The following HOXC5 variants were observed in gnomAD, a reference collection of about 807,000 sequenced individuals.
HOXC5 encodes the protein homeobox C5.
HOXC5 carries 19 observed loss-of-function variants against 20.1 expected under a neutral mutation model. The ratio of observed to expected loss-of-function variants is 0.94; its 90% CI spans 0.66 to 1.38. HOXC5 has a LOEUF of 1.38. Among genes scored for constraint, HOXC5 ranks in the 40% most tolerant of loss-of-function variants. The pLI is 0.00. For synonymous variants in HOXC5, 124 were observed against 117.0 expected (o/e 1.06, Z -0.39); for missense variants, 330 against 300.1 (o/e 1.10, Z -0.74).
At chr12:54,029,965 A>C, upstream of HOXC5, 1 of 1,546,040 alleles carries the variant, frequency 6.5e-7, no homozygotes, top group Non-Finnish European at 8.7e-7. Context: ...AAGAGTGACC[A>C]GGACTGTCCC....
At chr12:54,024,474 G>A in the HOXC5 span, among the ~76,000 whole-genome samples, 1 of 152,320 alleles carries the variant, frequency 6.6e-6, no homozygotes, top group East Asian at 1.9e-4. Flanking sequence ...TGGGGAGAGA[G>A]AGGAGACAGG....
At chr12:54,028,557 C>G (rs1173116730), upstream of HOXC5, 1 of 1,614,166 alleles carries the variant, frequency 6.2e-7, no homozygotes, top group East Asian at 2.2e-5. Context: ...CCTTATCCTG[C>G]CACCTCGCCG....
chr12:54,027,121 C>A, the HOXC5 span, among the ~76,000 whole-genome samples: 4 of 152,248 alleles, frequency 2.6e-5, no homozygotes, highest in African/African-American at 9.6e-5. Flanking sequence ...TGTTTCAGTT[C>A]GCCTACTGCG....
rs1439114511 is a variant in HOXC5, at chr12:54,033,236, C to T, written c.114C>T (p.Tyr38=). The T allele has an allele frequency of 3.7e-6, 6 of 1,614,208 alleles. No individual in the cohort carries two copies. Among genetic ancestry groups the T allele is most frequent in the South Asian group, 1.1e-5 (1 of 91,090 alleles). ...GSASEVQASR[Y]CYGGLDLSIT... ...CCTCAGAGGTGCAGGCATCCAGGTA[C>T]TGCTACGGCGGATTGGACTTAAGCA... The change falls in exon 1 of 2, where the codon TAC becomes TAT. Residue 38 remains tyrosine (Y), a synonymous_variant. Coordinates refer to ENST00000312492, the MANE Select transcript of HOXC5 (RefSeq NM_018953.4).
chr12:54,020,234 T>C, the HOXC5 span: 2 of 152,248 alleles, frequency 1.3e-5, no homozygotes, highest in African/African-American at 4.8e-5. Flanking sequence ...GCTCAAGGAC[T>C]CTGCACACCC....
chr12:54,033,820 TA>T (rs561385097), intron 1 of HOXC5: 8 of 544,266 alleles, frequency 1.5e-5, no homozygotes, highest in Middle Eastern at 4.9e-4. Flanking sequence ...GGGAGGGAGT[TA>T]AAAAAATAGA....
chr12:54,025,428 C>G, the HOXC5 span, among the ~76,000 whole-genome samples: 3 of 151,676 alleles, frequency 2.0e-5, no homozygotes, highest in Admixed American at 2.0e-4. Context: ...GACCTGCTCT[C>G]CCCCCTTGGA....
In HOXC5 at chr12:54,033,083, A is replaced by T; in HGVS notation, c.-40A>T. The T allele has an allele frequency of 6.5e-7, 1 of 1,537,310 alleles. No homozygotes were observed. Among genetic ancestry groups the T allele is most frequent in the Non-Finnish European group, 8.9e-7 (1 of 1,120,520 alleles). On this transcript the variant is annotated 5_prime_UTR_variant, in exon 1 of 2. Transcript: ENST00000312492. ...TTCAAAGAGTCACAAATCACCCTTA[A>T]TCAAAAAGGGTGCAGAAATTTTTTT...
At chr12:54,031,828 T>C (rs1423088728), upstream of HOXC5, among the ~76,000 whole-genome samples, 2 of 152,122 alleles carry the variant, frequency 1.3e-5, no homozygotes, top group African/African-American at 2.4e-5. Flanking sequence ...TGGCTGCAGA[T>C]ACCCTGCGAA....
At chr12:54,032,722 G>C (rs141132090), upstream of HOXC5, 1,112 of 158,208 alleles carry the variant, frequency 7.0e-3, 18 homozygotes, top group African/African-American at 0.026. Flanking sequence ...GGCGCTCCAG[G>C]ATGCAATTCC....
At chr12:54,027,402 G>A in the HOXC5 span, among the ~76,000 whole-genome samples, 1 of 152,218 alleles carries the variant, frequency 6.6e-6, no homozygotes, top group Non-Finnish European at 1.5e-5. Flanking sequence ...GAGCCTGCAG[G>A]AAGCTAACTG....
At chr12:54,016,961 T>A in the HOXC5 span, 1 of 152,114 alleles carries the variant, frequency 6.6e-6, no homozygotes. Context: ...TCATTAGCAG[T>A]ATTTTTTTTA....
chr12:54,019,330 C>T, the HOXC5 span, among the ~76,000 whole-genome samples: 2 of 152,210 alleles, frequency 1.3e-5, no homozygotes, highest in South Asian at 2.1e-4. Flanking sequence ...TCTCCCGCCG[C>T]TCAGGCACGG....
In HOXC5 at chr12:54,035,296, T is replaced by A. The variant is rs1207747291; in HGVS notation, c.*804T>A. 1 of 152,688 alleles carries A rather than the reference T, an allele frequency of 6.5e-6. No homozygotes were observed. The highest frequency in any genetic ancestry group is 6.5e-5 in the Admixed American group (1 of 15,282). The allele number at this position is 152,688 out of a possible 1,614,324, so 9.5% of individuals were successfully genotyped here. On this transcript the variant is annotated 3_prime_UTR_variant, in exon 2 of 2. Transcript: ENST00000312492. Reference sequence around the variant, plus strand: ...GACCCATTGCTGTTGTCCAACTATTTATTGACTCTGGGTCCTTCCTGAAAC... The same window carrying A: ...GACCCATTGCTGTTGTCCAACTATTAATTGACTCTGGGTCCTTCCTGAAAC...
At chr12:54,029,168 G>A (rs924424381), upstream of HOXC5, among the ~76,000 whole-genome samples, 6 of 152,214 alleles carry the variant, frequency 3.9e-5, no homozygotes, top group African/African-American at 7.2e-5. Context: ...CAGGAACAGG[G>A]CAGGGGATGA....
chr12:54,020,002 GGACTCCAACA>G, the HOXC5 span: 1 of 152,092 alleles, frequency 6.6e-6, no homozygotes, highest in African/African-American at 2.4e-5. Flanking sequence ...GGACCCCAGT[GGACTCCAACA>G]CCAACTCTCT....
the HOXC5 span, among the ~76,000 whole-genome samples, chr12:54,024,225 A>G: frequency 1.3e-5 from 2 of 152,068 alleles, no homozygotes; most frequent in African/African-American, 4.8e-5. Context: ...CTTGCTCAGA[A>G]AAGTGAGACT....
At chr12:54,018,274 G>GCCGGGATGCCCACTGGA in the HOXC5 span, among the ~76,000 whole-genome samples, 1 of 152,186 alleles carries the variant, frequency 6.6e-6, no homozygotes, top group Non-Finnish European at 1.5e-5. Context: ...GGCCATCCCA[G>GCCGGGATGCCCACTGGA]CCGGGATGCC....
chr12:54,031,195 G>T (rs1263990167), upstream of HOXC5, among the ~76,000 whole-genome samples: 12 of 152,242 alleles, frequency 7.9e-5, no homozygotes, highest in Non-Finnish European at 1.2e-4. Flanking sequence ...GACCAGTAAA[G>T]AAGCACTATC....
Sources: gnomAD v4.1 joint callset for allele counts (sites outside exome capture counted in the v4.1 genomes callset) on GRCh38, gnomAD v4.1.1 for gene constraint, MANE v1.5 for transcripts, NCBI Gene and HGNC (gene_info 2026-07-23, HGNC 2026-07-21) for gene names.